SYCP1: variants seen among roughly 807,000 people sequenced by gnomAD.
SYCP1 encodes synaptonemal complex protein 1, also known as cancer/testis antigen 8.
SYCP1 carries 64 observed loss-of-function variants against 153.1 expected under a neutral mutation model. The ratio of observed to expected loss-of-function variants is 0.42; its 90% confidence interval spans 0.34 to 0.51. SYCP1 has a LOEUF of 0.51. Ranked by LOEUF, SYCP1 falls within the 20% of genes least tolerant of loss-of-function variation. The pLI, the probability that SYCP1 is intolerant of heterozygous loss-of-function variation, is 0.06. For missense variants in SYCP1, 997 were observed against 1,049.0 expected, an observed-to-expected ratio of 0.95 and a Z score of 0.68; for synonymous variants, 384 against 341.8, an observed-to-expected ratio of 1.12 and a Z score of -1.36.
intron 12 of SYCP1, among the ~76,000 whole-genome samples, chr1:114,879,671 T>A (rs1018491691): frequency 3.3e-5 from 5 of 152,170 alleles, no homozygotes; most frequent in Admixed American, 6.5e-5. Context: ...TTTAATCTTA[T>A]CATATAAACT....
chr1:114,908,630 T>C (rs748555556), intron 16 of SYCP1, among the ~76,000 whole-genome samples: 3 of 152,216 alleles, frequency 2.0e-5, no homozygotes, highest in Non-Finnish European at 2.9e-5. Flanking sequence ...GTAATCTCCA[T>C]TGTGCTCCCA....
chr1:114,877,363 T>C (rs2101478004), intron 11 of SYCP1, among the ~76,000 whole-genome samples: 1 of 152,334 alleles, frequency 6.6e-6, no homozygotes, highest in Admixed American at 6.5e-5. Context: ...ATGCCATCTC[T>C]ATCAGTTTCA....
Position 114,967,567 on chromosome 1 carries a change from A to G in SYCP1, c.2323-9990A>G, listed in dbSNP as rs1017301794. Reference sequence around the variant, plus strand: ...TCCTCCATCCCTTTATTTTGAGTCTATGTGTGTCTTTGCACGTGAGATGGG... The same window carrying G: ...TCCTCCATCCCTTTATTTTGAGTCTGTGTGTGTCTTTGCACGTGAGATGGG... On this transcript the variant is annotated intron_variant, in intron 27 of 31. Coordinates refer to ENST00000369522, the MANE Select transcript of SYCP1 (RefSeq NM_003176.4). 2.6e-5 allele frequency among the ~76,000 whole-genome samples: 4 copies of G among 152,060 alleles called. No homozygotes were observed. The East Asian group carries it at 5.8e-4, about 22-fold the overall frequency.
chr1:114,958,112 A>G (rs1326778808), intron 27 of SYCP1, among the ~76,000 whole-genome samples: 1 of 152,252 alleles, frequency 6.6e-6, no homozygotes, highest in Admixed American at 6.5e-5. Flanking sequence ...CAGCCATAAA[A>G]AAGAAGGAAA....
intron 8 of SYCP1, among the ~76,000 whole-genome samples, chr1:114,861,431 T>G (rs1321897536): frequency 6.6e-6 from 1 of 152,212 alleles, no homozygotes; most frequent in African/African-American, 2.4e-5. Context: ...GGCTTTACTT[T>G]GTTTCTGCCA....
intron 16 of SYCP1, among the ~76,000 whole-genome samples, chr1:114,907,695 C>T (rs1667905222): frequency 6.6e-6 from 1 of 151,890 alleles, no homozygotes; most frequent in African/African-American, 2.4e-5. Flanking sequence ...CGTTCTCCTG[C>T]CTCAGCCTCC....
chr1:114,947,224 C>T (rs761796217), intron 26 of SYCP1, 22 bp from the exon 27 acceptor site: 2 of 1,577,806 alleles, frequency 1.3e-6, no homozygotes, highest in African/African-American at 1.4e-5. Flanking sequence ...CTCTTCTAAA[C>T]TTCATGTTTC....
At chr1:114,932,328 T>C (rs1209584168) in intron 23 of SYCP1, among the ~76,000 whole-genome samples, 1 of 152,164 alleles carries the variant, frequency 6.6e-6, no homozygotes, top group African/African-American at 2.4e-5. Context: ...ATCCAGAATA[T>C]ATAAATAACT....
intron 8 of SYCP1, among the ~76,000 whole-genome samples, chr1:114,872,990 G>T (rs1665258708): frequency 1.3e-5 from 2 of 151,976 alleles, no homozygotes; most frequent in East Asian, 3.9e-4. Context: ...TTGATATGTA[G>T]CATTTTTGTT....
chr1:114,977,511 C>A, intron 27 of SYCP1, 46 bp from the exon 28 acceptor site: 3 of 1,117,812 alleles, frequency 2.7e-6, no homozygotes, highest in South Asian at 3.3e-5. Context: ...CATTTGTGAT[C>A]ATTGTGATGT....
chr1:114,967,218 G>A (rs570559940), intron 27 of SYCP1, among the ~76,000 whole-genome samples: 26 of 152,202 alleles, frequency 1.7e-4, no homozygotes, highest in African/African-American at 3.9e-4. Context: ...AGTTCAAGTC[G>A]TGAATATCCT....
chr1:114,896,483 C>T (rs1667064142), intron 16 of SYCP1, among the ~76,000 whole-genome samples: 1 of 152,066 alleles, frequency 6.6e-6, no homozygotes, highest in Admixed American at 6.5e-5. Flanking sequence ...CTGAATTTTT[C>T]CTTTGTAACA....
At chr1:114,918,731 G>A (rs1003481092) in intron 20 of SYCP1, among the ~76,000 whole-genome samples, 1 of 151,954 alleles carries the variant, frequency 6.6e-6, no homozygotes, top group African/African-American at 2.4e-5. Context: ...TAATTTCTGG[G>A]TGTTTAATTT....
intron 21 of SYCP1, among the ~76,000 whole-genome samples, chr1:114,925,998 G>A (rs1669226943): frequency 6.6e-6 from 1 of 152,064 alleles, no homozygotes; most frequent in Admixed American, 6.6e-5. Flanking sequence ...CTGAGGCTGA[G>A]TATAGTGGCT....
intron 23 of SYCP1, among the ~76,000 whole-genome samples, chr1:114,940,823 C>A (rs548958202): frequency 6.6e-6 from 1 of 151,642 alleles, no homozygotes; most frequent in Admixed American, 6.6e-5. Context: ...TCATTCTGTA[C>A]CTCTGCTTTT....
At chr1:114,991,217 T>C (rs557907753) in intron 30 of SYCP1, among the ~76,000 whole-genome samples, 9 of 152,076 alleles carry the variant, frequency 5.9e-5, no homozygotes, top group Non-Finnish European at 1.2e-4. Context: ...ATTTGACATA[T>C]ATGTTAAGAC....
At position 114,895,472 on chromosome 1, in the gene SYCP1, A is replaced by G. The variant is rs2101597675; in HGVS notation, c.1283A>G (p.Asn428Ser). The G allele has an allele frequency of 6.5e-7, 1 of 1,533,512 alleles. No homozygotes were observed. Among genetic ancestry groups the G allele is most frequent in the East Asian group, 2.3e-5 (1 of 43,742 alleles). 95.0% of individuals were successfully genotyped at this position (1,533,512 alleles called of 1,614,324 possible). Residue 428 changes from asparagine to serine, a missense_variant, in exon 16 of 32, where the codon AAC becomes AGC. By Grantham distance (46) the Asn-to-Ser change is conservative (BLOSUM62 1). Coordinates refer to ENST00000369522, the MANE Select transcript of SYCP1 (RefSeq NM_003176.4). ...GAAGAGATGACTAAGCTTACAAATA[A>G]CAAAGAAGTAGAACTTGAAGAATTG... is the stretch of plus-strand genomic sequence containing the variant. ...ELEEMTKLTN[N>S]KEVELEELKK...
At chr1:114,985,420 C>T (rs1322214300) in intron 30 of SYCP1, among the ~76,000 whole-genome samples, 1 of 151,908 alleles carries the variant, frequency 6.6e-6, no homozygotes, top group Non-Finnish European at 1.5e-5. Flanking sequence ...TTCACATATA[C>T]CACTGTTTTC....
chr1:114,930,140 G>C (rs1352006201), intron 23 of SYCP1, among the ~76,000 whole-genome samples: 1 of 151,850 alleles, frequency 6.6e-6, no homozygotes, highest in Non-Finnish European at 1.5e-5. Context: ...TATTTTAAAC[G>C]GAATGATGAG....
Sources: gnomAD v4.1 joint callset for allele counts (sites outside exome capture counted in the v4.1 genomes callset) on GRCh38, gnomAD v4.1.1 for gene constraint, MANE v1.5 for transcripts, NCBI Gene and HGNC (gene_info 2026-07-23, HGNC 2026-07-21) for gene names.